The following ITFG1 variants were observed in gnomAD, a reference collection of about 807,000 sequenced individuals.
The protein encoded by ITFG1 is T-cell immunomodulatory protein.
A neutral mutation model predicts 81.8 loss-of-function variants in ITFG1; 34 were observed. That is an observed-to-expected ratio of 0.42 (90% CI 0.32 to 0.55). The LOEUF (loss-of-function observed/expected upper bound fraction) is 0.55, where lower values mean the gene tolerates loss of function less well. ITFG1 is among the 20% of genes least tolerant of loss of function. ITFG1 has a pLI of 0.17. For synonymous variants in ITFG1, 285 were observed against 270.6 expected (o/e 1.05, Z -0.52); for missense variants, 672 against 755.4 (o/e 0.89, Z 1.29).
intron 6 of ITFG1, among the ~76,000 whole-genome samples, chr16:47,427,694 T>C (rs988362829): frequency 1.3e-5 from 2 of 152,104 alleles, no homozygotes; most frequent in African/African-American, 4.8e-5. Flanking sequence ...ATCTGAAAAA[T>C]CCACACAACT....
At chr16:47,288,068 GAGAA>G (rs751613162) in intron 10 of ITFG1, among the ~76,000 whole-genome samples, 1 of 151,944 alleles carries the variant, frequency 6.6e-6, no homozygotes, top group Non-Finnish European at 1.5e-5. Context: ...TTATTTTTTT[GAGAA>G]AGAGTCTATT....
At chr16:47,212,538 A>T (rs901702177) in intron 14 of ITFG1, among the ~76,000 whole-genome samples, 1 of 152,178 alleles carries the variant, frequency 6.6e-6, no homozygotes, top group Non-Finnish European at 1.5e-5. Context: ...TGTATTTTAA[A>T]TGTGTGGTAT....
intron 5 of ITFG1, 129 bp from the exon 6 acceptor site, chr16:47,429,027 T>C: frequency 1.6e-6 from 1 of 623,360 alleles, no homozygotes; most frequent in South Asian, 2.1e-5. Context: ...ATACAATTCA[T>C]TCTCTTAAAG....
chr16:47,308,468 T>C (rs1967204758), intron 10 of ITFG1, among the ~76,000 whole-genome samples: 1 of 152,224 alleles, frequency 6.6e-6, no homozygotes, highest in Non-Finnish European at 1.5e-5. Flanking sequence ...TAAATTATTG[T>C]ATAAAGCTGA....
At chr16:47,408,963 C>T (rs552432645) in intron 6 of ITFG1, among the ~76,000 whole-genome samples, 25 of 151,910 alleles carry the variant, frequency 1.6e-4, no homozygotes, top group Non-Finnish European at 3.5e-4. Context: ...ATATACGTAA[C>T]GTGTCAGAGT....
chr16:47,350,294 C>A (rs1053608627), intron 8 of ITFG1, among the ~76,000 whole-genome samples: 7 of 151,804 alleles, frequency 4.6e-5, no homozygotes, highest in African/African-American at 1.7e-4. Flanking sequence ...TTGAAAAGAT[C>A]AACAAAATTG....
At chr16:47,405,168 A>C (rs1397226841) in intron 6 of ITFG1, among the ~76,000 whole-genome samples, 1 of 152,164 alleles carries the variant, frequency 6.6e-6, no homozygotes, top group African/African-American at 2.4e-5. Context: ...ATAAAACAAA[A>C]ACCTCGTATA....
rs1964694048 is a variant in ITFG1, at chr16:47,155,795, G to A, written c.1780-17C>T. On this transcript the variant is annotated splice_polypyrimidine_tract_variant and intron_variant, in intron 17 of 17. Coordinates refer to ENST00000320640, the MANE Select transcript of ITFG1 (RefSeq NM_030790.5). Reference sequence around the variant, plus strand: ...ATCTGCTTTCTGAAAAAGAATTTTAGACTCGTTTATAAATGGTAGAAAGAT... The same window carrying A: ...ATCTGCTTTCTGAAAAAGAATTTTAAACTCGTTTATAAATGGTAGAAAGAT... The A allele has an allele frequency of 9.6e-6, 15 of 1,560,798 alleles. No individual in the cohort carries two copies. The highest frequency in any genetic ancestry group is 1.4e-5 in the African/African-American group (1 of 73,270).
intron 5 of ITFG1, among the ~76,000 whole-genome samples, chr16:47,439,429 C>CTTA (rs1969215351): frequency 6.6e-6 from 1 of 152,122 alleles, no homozygotes. Flanking sequence ...TAAGGACAGC[C>CTTA]AGAGAGAAAG....
intron 1 of ITFG1, among the ~76,000 whole-genome samples, chr16:47,460,108 T>G (rs2151621748): frequency 6.6e-6 from 1 of 152,304 alleles, no homozygotes; most frequent in African/African-American, 2.4e-5. Context: ...CAAGAACAAG[T>G]TAGCAAAGAA....
intron 14 of ITFG1, among the ~76,000 whole-genome samples, chr16:47,183,619 C>T (rs1369660236): frequency 6.6e-6 from 1 of 152,092 alleles, no homozygotes; most frequent in African/African-American, 2.4e-5. Flanking sequence ...AGGACATCCA[C>T]ACCAAAAACC....
chr16:47,410,173 GA>G (rs1968791962), intron 6 of ITFG1, among the ~76,000 whole-genome samples: 1 of 152,112 alleles, frequency 6.6e-6, no homozygotes, highest in Admixed American at 6.5e-5. Flanking sequence ...CAGCTACTCA[GA>G]AGGCTGAGGT....
chr16:47,305,865 C>T (rs1038453199), intron 10 of ITFG1, among the ~76,000 whole-genome samples: 12 of 152,084 alleles, frequency 7.9e-5, no homozygotes, highest in Non-Finnish European at 1.8e-4. Context: ...GATAGAATTA[C>T]TTGATAATGT....
At chr16:47,369,789 T>C (rs1968225912) in intron 7 of ITFG1, among the ~76,000 whole-genome samples, 1 of 151,144 alleles carries the variant, frequency 6.6e-6, no homozygotes, top group Non-Finnish European at 1.5e-5. Flanking sequence ...ATCGATCATC[T>C]CAAACATTTA....
intron 10 of ITFG1, among the ~76,000 whole-genome samples, chr16:47,282,622 G>C (rs1239372737): frequency 6.6e-6 from 1 of 152,122 alleles, no homozygotes; most frequent in Non-Finnish European, 1.5e-5. Flanking sequence ...TAGTAGGATT[G>C]CTACGTCAAA....
At chr16:47,438,413 T>C (rs1164705555) in intron 5 of ITFG1, among the ~76,000 whole-genome samples, 3 of 152,018 alleles carry the variant, frequency 2.0e-5, no homozygotes, top group Admixed American at 6.5e-5. Context: ...GACTCCTGAG[T>C]AGCCTAACTG....
At chr16:47,211,913 C>T (rs1246021848) in intron 14 of ITFG1, among the ~76,000 whole-genome samples, 2 of 151,712 alleles carry the variant, frequency 1.3e-5, no homozygotes, top group Non-Finnish European at 2.9e-5. Context: ...GTTCTACTCA[C>T]TAATTTTTTT....
intron 10 of ITFG1, among the ~76,000 whole-genome samples, chr16:47,287,828 A>T (rs1966876095): frequency 6.6e-6 from 1 of 152,208 alleles, no homozygotes; most frequent in Admixed American, 6.5e-5. Context: ...TCCTATGCAT[A>T]TCTTCTTTGG....
At chr16:47,404,992 T>C (rs1048882830) in intron 6 of ITFG1, among the ~76,000 whole-genome samples, 1 of 152,184 alleles carries the variant, frequency 6.6e-6, no homozygotes, top group African/African-American at 2.4e-5. Flanking sequence ...TCTTGATTTA[T>C]AGGAGTTCTC....
Sources: gnomAD v4.1 joint callset for allele counts (sites outside exome capture counted in the v4.1 genomes callset) on GRCh38, gnomAD v4.1.1 for gene constraint, MANE v1.5 for transcripts, NCBI Gene and HGNC (gene_info 2026-07-23, HGNC 2026-07-21) for gene names.